Variants in SLIT3 observed in about 807,000 individuals in gnomAD.
SLIT3 encodes slit homolog 3 protein.
In SLIT3, 68 loss-of-function variants were observed where a neutral mutation model predicts 184.0. The observed-to-expected ratio is 0.37, with a 90% CI of 0.30 to 0.45. The LOEUF is 0.45. SLIT3 is among the 20% of genes least tolerant of loss of function. The pLI is 1.00. For missense variants in SLIT3, 1,707 were observed against 2,026.0 expected (o/e 0.84, Z 3.02); for synonymous variants, 831 against 828.6 (o/e 1.00, Z -0.05).
At chr5:169,208,178 T>C (rs764546591) in intron 3 of SLIT3, among the ~76,000 whole-genome samples, 21 of 152,244 alleles carry the variant, frequency 1.4e-4, no homozygotes, top group Non-Finnish European at 2.8e-4. Context: ...GAAATTCATA[T>C]TCTGTGAAGA....
At chr5:168,941,266 A>G (rs1339395426) in intron 4 of SLIT3, among the ~76,000 whole-genome samples, 1 of 152,206 alleles carries the variant, frequency 6.6e-6, no homozygotes, top group Non-Finnish European at 1.5e-5. Flanking sequence ...AATCAAAGAT[A>G]TTAGGGCCAT....
chr5:169,195,992 AC>A (rs1472681942), intron 3 of SLIT3, among the ~76,000 whole-genome samples: 2 of 152,158 alleles, frequency 1.3e-5, no homozygotes, highest in African/African-American at 4.8e-5. Context: ...AATCTCCAGA[AC>A]TTTTTCATCT....
At chr5:169,263,705 G>A in intron 1 of SLIT3, 1 of 509,316 alleles carries the variant, frequency 2.0e-6, no homozygotes. Flanking sequence ...CACTCCCCCT[G>A]CAGCCTCCCC....
At chr5:169,063,851 G>A (rs985184523) in intron 4 of SLIT3, among the ~76,000 whole-genome samples, 1 of 152,196 alleles carries the variant, frequency 6.6e-6, no homozygotes, top group African/African-American at 2.4e-5. Context: ...AACAACTACT[G>A]CAAAATATTT....
At chr5:168,746,944 T>C (rs1235474658) in intron 20 of SLIT3, among the ~76,000 whole-genome samples, 1 of 125,236 alleles carries the variant, frequency 8.0e-6, no homozygotes, top group East Asian at 2.5e-4. Context: ...GGTGTGTGAG[T>C]GTGGTGGTGT....
intron 18 of SLIT3, chr5:168,752,502 G>A (rs1362140008): frequency 1.9e-5 from 3 of 160,536 alleles, no homozygotes; most frequent in African/African-American, 7.4e-5. Context: ...TCCAGCAACT[G>A]TCCTGCCTCA....
At chr5:168,862,207 G>A (rs899082232) in intron 5 of SLIT3, among the ~76,000 whole-genome samples, 3 of 152,150 alleles carry the variant, frequency 2.0e-5, no homozygotes, top group African/African-American at 4.8e-5. Flanking sequence ...TTGGGGACTC[G>A]GGGGAAAGGG....
intron 1 of SLIT3, among the ~76,000 whole-genome samples, chr5:169,276,790 C>T (rs769297263): frequency 1.5e-4 from 23 of 152,158 alleles, no homozygotes; most frequent in Middle Eastern, 3.2e-3. Flanking sequence ...CTGGGCTGTG[C>T]GCTACACATA....
chr5:168,828,807 G>A (rs1256101187), intron 6 of SLIT3, among the ~76,000 whole-genome samples: 1 of 152,180 alleles, frequency 6.6e-6, no homozygotes, highest in African/African-American at 2.4e-5. Context: ...GAGCTTTCCA[G>A]AGGAGTCTCA....
At chr5:169,207,682 G>A (rs1018407607) in intron 3 of SLIT3, among the ~76,000 whole-genome samples, 1 of 152,138 alleles carries the variant, frequency 6.6e-6, no homozygotes, top group Non-Finnish European at 1.5e-5. Flanking sequence ...CTGCCTTCTT[G>A]TGTTCCCCTG....
At chr5:169,266,231 C>G (rs1172380900) in intron 1 of SLIT3, among the ~76,000 whole-genome samples, 1 of 152,156 alleles carries the variant, frequency 6.6e-6, no homozygotes, top group Non-Finnish European at 1.5e-5. Flanking sequence ...AGGCAGGAAA[C>G]AAATCCTAGA....
At chr5:169,034,766 C>T (rs1241408379) in intron 4 of SLIT3, among the ~76,000 whole-genome samples, 1 of 147,116 alleles carries the variant, frequency 6.8e-6, no homozygotes, top group African/African-American at 2.5e-5. Context: ...TTTTTTGAGA[C>T]AGAGTCTTGC....
chr5:169,038,721 G>A (rs1213932917), intron 4 of SLIT3, among the ~76,000 whole-genome samples: 1 of 152,112 alleles, frequency 6.6e-6, no homozygotes, highest in Non-Finnish European at 1.5e-5. Flanking sequence ...TGATGGAGAT[G>A]GGATTCAGGT....
chr5:168,928,929 G>C (rs115738322), intron 4 of SLIT3, among the ~76,000 whole-genome samples: 11 of 152,154 alleles, frequency 7.2e-5, no homozygotes, highest in African/African-American at 1.9e-4. Context: ...GCCTCTTGGC[G>C]TAAGACTCTT....
intron 4 of SLIT3, among the ~76,000 whole-genome samples, chr5:169,087,341 C>A (rs1018625746): frequency 2.6e-5 from 4 of 152,182 alleles, no homozygotes; most frequent in Non-Finnish European, 4.4e-5. Context: ...ATGCTGCCAT[C>A]TCCCAGGTAG....
intron 4 of SLIT3, among the ~76,000 whole-genome samples, chr5:168,897,202 C>T (rs562432115): frequency 9.2e-5 from 14 of 152,236 alleles, no homozygotes; most frequent in Non-Finnish European, 1.2e-4. Flanking sequence ...TCCCTGGGAG[C>T]GGACAAGTGG....
chr5:169,092,052 T>C (rs1382426453), intron 4 of SLIT3, among the ~76,000 whole-genome samples: 1 of 152,114 alleles, frequency 6.6e-6, no homozygotes. Flanking sequence ...TGACACCCCA[T>C]CTCTACTAAA....
At chr5:168,909,364 T>G (rs1184098628) in intron 4 of SLIT3, among the ~76,000 whole-genome samples, 2 of 152,244 alleles carry the variant, frequency 1.3e-5, no homozygotes, top group African/African-American at 4.8e-5. Context: ...TTTGGTTTCC[T>G]TTGCAAACTC....
chr5:169,027,386 G>A (rs546919504), intron 4 of SLIT3, among the ~76,000 whole-genome samples: 7 of 149,378 alleles, frequency 4.7e-5, no homozygotes, highest in African/African-American at 1.5e-4. Flanking sequence ...TTCCTCTAGC[G>A]TAAGTGTTTA....
Sources: allele counts gnomAD v4.1 joint callset (sites outside exome capture counted in the v4.1 genomes callset), GRCh38; gene constraint gnomAD v4.1.1; transcripts MANE v1.5; gene names NCBI Gene and HGNC (gene_info 2026-07-23, HGNC 2026-07-21).